ZFHX3: variants seen among roughly 807,000 people sequenced by gnomAD.
ZFHX3 encodes the protein zinc finger homeobox protein 3.
A neutral mutation model predicts 279.1 loss-of-function variants in ZFHX3; 42 were observed. That is an observed-to-expected ratio of 0.15 (90% CI 0.12 to 0.19). The LOEUF is 0.19. ZFHX3 is among the 10% of genes least tolerant of loss of function. The pLI is 1.00. For synonymous variants in ZFHX3, 2,293 were observed against 1,957.8 expected, an observed-to-expected ratio of 1.17 and a Z score of -4.52; for missense variants, 4,981 against 4,754.0, an observed-to-expected ratio of 1.05 and a Z score of -1.40.
At chr16:73,657,182 T>C (rs1597050828) in intron 2 of ZFHX3, among the ~76,000 whole-genome samples, 1 of 152,260 alleles carries the variant, frequency 6.6e-6, no homozygotes, top group African/African-American at 2.4e-5. Context: ...TTTGGCTGGG[T>C]GTAGTGGCTC....
intron 3 of ZFHX3, among the ~76,000 whole-genome samples, chr16:73,367,908 T>C (rs1206773533): frequency 6.7e-6 from 1 of 149,918 alleles, no homozygotes; most frequent in Non-Finnish European, 1.5e-5. Flanking sequence ...TCACTCTGTT[T>C]CTCAGGCTGG....
exon 1 of ZFHX3, chr16:73,058,702 C>T (rs1252327105): frequency 2.0e-5 from 3 of 151,808 alleles, no homozygotes; most frequent in Non-Finnish European, 2.6e-5. Flanking sequence ...CTGCTGGCGG[C>T]GGCGGCGGCG....
intron 7 of ZFHX3, among the ~76,000 whole-genome samples, chr16:73,129,898 T>C (rs979340795): frequency 2.6e-5 from 4 of 152,194 alleles, no homozygotes; most frequent in Non-Finnish European, 5.9e-5. Flanking sequence ...ATTTTAAATA[T>C]GGTTTTAATT....
chr16:73,570,840 G>C (rs1392053695), intron 2 of ZFHX3, among the ~76,000 whole-genome samples: 2 of 151,500 alleles, frequency 1.3e-5, no homozygotes, highest in Admixed American at 6.6e-5. Flanking sequence ...ATCATGATAG[G>C]CTTAGTATTT....
intron 2 of ZFHX3, among the ~76,000 whole-genome samples, chr16:73,477,632 C>T (rs1223173177): frequency 6.6e-6 from 1 of 152,210 alleles, no homozygotes; most frequent in Non-Finnish European, 1.5e-5. Flanking sequence ...TGGTGGCAGG[C>T]TGCACACCAC....
At chr16:73,493,233 G>T (rs2019083741) in intron 2 of ZFHX3, among the ~76,000 whole-genome samples, 1 of 151,962 alleles carries the variant, frequency 6.6e-6, no homozygotes, top group South Asian at 2.1e-4. Context: ...AACCTATCTG[G>T]TTCCCCTTTA....
At chr16:73,296,834 A>G (rs1249034671) in intron 4 of ZFHX3, among the ~76,000 whole-genome samples, 1 of 150,856 alleles carries the variant, frequency 6.6e-6, no homozygotes, top group Non-Finnish European at 1.5e-5. Context: ...AGGGCTTCAG[A>G]AGCATCCTCT....
intron 3 of ZFHX3, among the ~76,000 whole-genome samples, chr16:73,352,085 C>CAGACTGA (rs1347090973): frequency 6.6e-6 from 1 of 152,214 alleles, no homozygotes; most frequent in African/African-American, 2.4e-5. Flanking sequence ...CACTTCCATT[C>CAGACTGA]AGACTGAGAG....
chr16:72,794,421 C>G lies in ZFHX3; in HGVS notation c.8261G>C (p.Cys2754Ser). Residue 2754 changes from cysteine to serine, a missense_variant, in exon 9 of 10, where the codon TGT (cysteine) becomes TCT (serine). Physicochemically the swap from Cys to Ser is moderately radical, Grantham distance 112. Transcript: ENST00000268489. The surrounding 1 kb of genome is among the most constrained non-coding windows in gnomAD (Gnocchi z 4.2). ...NLTLSAMLLDCDGGLQMKGDI... is the reference protein window; with the variant it reads ...NLTLSAMLLDSDGGLQMKGDI... ...TCCTTTCATCTGGAGTCCCCCATCA[C>G]AGTCTAAGAGCATCGCAGACAGAGT... 1 of 1,612,044 alleles carries G rather than the reference C, an allele frequency of 6.2e-7. No individual in the cohort carries two copies. Among genetic ancestry groups the G allele is most frequent in the Non-Finnish European group, 8.5e-7 (1 of 1,178,934 alleles).
chr16:72,897,829 G>A (rs945690882), intron 3 of ZFHX3, among the ~76,000 whole-genome samples: 2 of 152,086 alleles, frequency 1.3e-5, no homozygotes, highest in African/African-American at 4.8e-5. Context: ...GCTCAAAGAA[G>A]CCACATGACT....
chr16:73,694,231 G>A (rs1387047685), intron 1 of ZFHX3, among the ~76,000 whole-genome samples: 13 of 152,142 alleles, frequency 8.5e-5, no homozygotes, highest in Non-Finnish European at 1.8e-4. Context: ...GCTGAGGCAG[G>A]AGAATCGCTT....
chr16:72,797,132 C>T lies in ZFHX3; in HGVS notation c.5550G>A (p.Leu1850=). Residue 1850 remains leucine, a synonymous_variant, in exon 9 of 10, where the codon TTG becomes TTA. Coordinates refer to ENST00000268489, the MANE Select transcript of ZFHX3 (RefSeq NM_006885.4). ...QVPQQSHQQI[L]PQQQQNQLSI... Reference sequence around the variant, plus strand: ...AGAGTTGGTTCTGCTGCTGCTGCGGCAAGATCTGCTGATGGCTCTGCTGTG... The same window carrying T: ...AGAGTTGGTTCTGCTGCTGCTGCGGTAAGATCTGCTGATGGCTCTGCTGTG... 1 of 1,613,766 alleles carries T rather than the reference C, an allele frequency of 6.2e-7. No homozygotes were observed. Among genetic ancestry groups the T allele is most frequent in the Non-Finnish European group, 8.5e-7 (1 of 1,179,968 alleles).
In ZFHX3 at chr16:72,786,613, A is replaced by G. The variant is rs1392914963; in HGVS notation, c.*551T>C. The G allele has an allele frequency of 1.3e-5, 2 of 151,950 alleles. No individual in the cohort carries two copies. The highest frequency in any genetic ancestry group is 2.9e-5 in the Non-Finnish European group (2 of 67,916). 9.4% of individuals were successfully genotyped at this position (151,950 alleles called of 1,614,324 possible). On this transcript the variant is annotated 3_prime_UTR_variant, in exon 10 of 10. Transcript: ENST00000268489. ...AAAAAAAAAAAAAACTGAAAAAACA[A>G]TAATATATAAAACAATGATTCTGAA...
At chr16:73,087,134 A>T (rs1279957880) in intron 8 of ZFHX3, among the ~76,000 whole-genome samples, 2 of 152,204 alleles carry the variant, frequency 1.3e-5, no homozygotes, top group Non-Finnish European at 2.9e-5. Context: ...ACTTTTAAAA[A>T]TTTAATTAAA....
intron 4 of ZFHX3, among the ~76,000 whole-genome samples, chr16:73,284,496 G>A (rs958530230): frequency 2.0e-5 from 3 of 151,974 alleles, no homozygotes; most frequent in Non-Finnish European, 2.9e-5. Flanking sequence ...GACTCATATT[G>A]AATATGTAGC....
At chr16:73,450,559 C>T (rs191007015) in intron 3 of ZFHX3, among the ~76,000 whole-genome samples, 110 of 152,244 alleles carry the variant, frequency 7.2e-4, no homozygotes, top group African/African-American at 2.3e-3. Context: ...TGGTATCAAA[C>T]GAAAGTAGCA....
chr16:73,811,978 C>A (rs571699351), intron 1 of ZFHX3, among the ~76,000 whole-genome samples: 1 of 152,296 alleles, frequency 6.6e-6, no homozygotes, highest in African/African-American at 2.4e-5. Context: ...AATTCTCTTA[C>A]TATCACCATT....
intron 1 of ZFHX3, among the ~76,000 whole-genome samples, chr16:73,773,544 A>G (rs2054043916): frequency 6.6e-6 from 1 of 152,198 alleles, no homozygotes; most frequent in East Asian, 1.9e-4. Context: ...GATGAGAGAA[A>G]CAATTAACAA....
chr16:73,391,674 G>T (rs186570393), intron 3 of ZFHX3, among the ~76,000 whole-genome samples: 143 of 152,234 alleles, frequency 9.4e-4, no homozygotes, highest in Admixed American at 1.8e-3. Context: ...AGAGAAGAAA[G>T]GAACCTACAG....
Sources: allele counts gnomAD v4.1 joint callset (sites outside exome capture counted in the v4.1 genomes callset), GRCh38; gene constraint gnomAD v4.1.1; non-coding constraint Gnocchi (gnomAD v3.1); transcripts MANE v1.5; gene names NCBI Gene and HGNC (gene_info 2026-07-23, HGNC 2026-07-21).